The following BMP1 variants were observed in gnomAD, a reference collection of about 807,000 sequenced individuals.
BMP1 encodes the protein bone morphogenetic protein 1, also known as mammalian tolloid protein.
A neutral mutation model predicts 116.8 loss-of-function variants in BMP1; 63 were observed. The ratio of observed to expected loss-of-function variants is 0.54; its 90% CI spans 0.44 to 0.67. The LOEUF (loss-of-function observed/expected upper bound fraction) is 0.67. Ranked by LOEUF, BMP1 falls within the 30% of genes least tolerant of loss-of-function variation. The probability of loss-of-function intolerance (pLI) is 0.00; values close to 1 mark genes in which losing one functional copy is unlikely to be tolerated. For missense variants in BMP1, 1,183 were observed against 1,358.9 expected (o/e 0.87, Z 2.04); for synonymous variants, 536 against 533.4 (o/e 1.00, Z -0.07).
In BMP1 at chr8:22,211,647, G is replaced by A. The variant is rs776520649; in HGVS notation, c.2880G>A (p.Ser960=). Residue 960 remains serine, a synonymous_variant, in exon 20 of 20, where the codon TCG becomes TCA. Coordinates refer to ENST00000306385, the MANE Select transcript of BMP1 (RefSeq NM_006129.5). The stretch of plus-strand genomic sequence containing the variant: ...ATTCTGTCCTGGTGAAGTTCCACTC[G>A]GATGACACCATCACCAAAAAAGGTT... The part of the protein sequence containing the change: ...AGDSVLVKFH[S]DDTITKKGFH... 128 of 1,614,012 alleles carry A rather than the reference G, an allele frequency of 7.9e-5. No individual in the cohort carries two copies. In the Middle Eastern group the frequency reaches 8.2e-4, roughly 10 times the overall value.
intron 15 of BMP1, 145 bp from the exon 16 acceptor site, chr8:22,201,658 C>G: frequency 7.0e-7 from 1 of 1,421,704 alleles, no homozygotes; most frequent in Non-Finnish European, 9.3e-7. Context: ...TGGCCTCCCA[C>G]TCCCGGCCAC....
At chr8:22,198,548 G>A (rs1829158277) in intron 15 of BMP1, 1 of 153,716 alleles carries the variant, frequency 6.5e-6, no homozygotes, top group South Asian at 2.0e-4. Flanking sequence ...GAGCAGGGGA[G>A]ACAGGGAGGT....
chr8:22,206,985 A>T lies in BMP1; in HGVS notation c.2361+4A>T. 1 of 1,614,016 alleles carries T rather than the reference A, an allele frequency of 6.2e-7. No individual in the cohort carries two copies. ...CCCCGGGCACCGGGTCAAGCTGGTA[A>T]GGGGTCCCCTCCCCACTCCTTATGC... On this transcript the variant is annotated splice_donor_region_variant and intron_variant, in intron 17 of 19. Coordinates refer to ENST00000306385, the MANE Select transcript of BMP1 (RefSeq NM_006129.5).
At chr8:22,173,060 A>G (rs1828327016) in intron 1 of BMP1, among the ~76,000 whole-genome samples, 1 of 152,136 alleles carries the variant, frequency 6.6e-6, no homozygotes, top group Admixed American at 6.5e-5. Flanking sequence ...ATTTACTTGC[A>G]TATTATGGAA....
chr8:22,188,931 C>T (rs573375569), intron 8 of BMP1, among the ~76,000 whole-genome samples: 15 of 152,200 alleles, frequency 9.9e-5, no homozygotes, highest in Non-Finnish European at 2.2e-4. Flanking sequence ...AGGAAGGCCA[C>T]GTGGAGGAGT....
intron 8 of BMP1, among the ~76,000 whole-genome samples, chr8:22,190,374 G>C (rs1232911081): frequency 6.6e-6 from 1 of 152,194 alleles, no homozygotes; most frequent in Non-Finnish European, 1.5e-5. Flanking sequence ...AGCTAAGCTG[G>C]GTAAGGAGAG....
In BMP1 at chr8:22,194,916, A is replaced by G; in HGVS notation, c.1636A>G (p.Lys546Glu). The G allele has an allele frequency of 6.2e-7, 1 of 1,606,304 alleles. No homozygotes were observed. The highest frequency in any genetic ancestry group is 8.5e-7 in the Non-Finnish European group (1 of 1,176,876). The change falls in exon 12 of 20, where the codon AAA (lysine) becomes GAA (glutamate). Residue 546 changes from lysine (K) to glutamate (E), a missense_variant. Coordinates refer to ENST00000306385, the MANE Select transcript of BMP1 (RefSeq NM_006129.5). The surrounding 1 kb of genome is among the most constrained non-coding windows in gnomAD (Gnocchi z 4.5). ...NKAGFAVNFF[K>E]EVDECSRPNR... ...AGCGGGCTTTGCCGTCAACTTTTTC[A>G]AAGGTGCCTCCTCTGTTACTCTCCC...
rs1333657513 is a variant in BMP1, at chr8:22,204,004, T to C, written c.2233+2076T>C. On this transcript the variant is annotated intron_variant, in intron 16 of 19. Transcript: ENST00000306385. ...CTTAGAAGCATGTGTGGTTTCTTACTCAGGTGATAGGTTAATTACAGATCT... is the reference window on the plus strand; with the variant it reads ...CTTAGAAGCATGTGTGGTTTCTTACCCAGGTGATAGGTTAATTACAGATCT... Among the ~76,000 whole-genome samples, 4 of 152,206 alleles carry C rather than the reference T, an allele frequency of 2.6e-5. No homozygotes were observed. In the South Asian group the frequency reaches 8.3e-4, roughly 31 times the overall value.
In BMP1 at chr8:22,201,288, C is replaced by G. The variant is rs982235378; in HGVS notation, c.2108-515C>G. The G allele has an allele frequency of 2.0e-6, 3 of 1,529,466 alleles. No individual in the cohort carries two copies. In the African/African-American group the frequency reaches 4.2e-5, roughly 21 times the overall value. 94.7% of individuals were successfully genotyped at this position (1,529,466 alleles called of 1,614,324 possible). ...ATGGGGGCTTCGGTGCCCACCAACC[C>G]CCCACCTCCACTCTGCCATTCCGGC... is the stretch of plus-strand genomic sequence containing the variant. On this transcript the variant is annotated intron_variant, in intron 15 of 19. Transcript: ENST00000306385.
In BMP1 at chr8:22,180,404, TCTC is replaced by T; in HGVS notation, c.1003_1005del (p.Ser335del). ...ACCCTGCAAGACAGCACAGGCAACT[TCTC>T]CTCCCCTGAATACCCCAATGGCTAC... On this transcript the variant is annotated inframe_deletion, in exon 8 of 20. Coordinates refer to ENST00000306385, the MANE Select transcript of BMP1 (RefSeq NM_006129.5). 4 of 1,613,906 alleles carry T rather than the reference TCTC, an allele frequency of 2.5e-6. No individual in the cohort carries two copies. The highest frequency in any genetic ancestry group is 2.2e-5 in the South Asian group (2 of 91,076).
intron 8 of BMP1, among the ~76,000 whole-genome samples, chr8:22,188,707 G>T (rs1277451698): frequency 1.3e-5 from 2 of 152,184 alleles, no homozygotes; most frequent in East Asian, 3.8e-4. Flanking sequence ...GGCCAATGCA[G>T]GTTTCTTCCT....
chr8:22,201,414 A>G, intron 15 of BMP1: 9 of 1,427,112 alleles, frequency 6.3e-6, no homozygotes, highest in South Asian at 6.0e-5. Flanking sequence ...TCCCATTTTG[A>G]TGGTGTCTGT....
chr8:22,171,446 C>A (rs779001446), intron 1 of BMP1: 1 of 152,202 alleles, frequency 6.6e-6, no homozygotes, highest in Non-Finnish European at 1.5e-5. Context: ...AAAATTTCAA[C>A]ATTTACATAA....
chr8:22,202,424 G>T (rs1306303737), intron 16 of BMP1, among the ~76,000 whole-genome samples: 1 of 152,178 alleles, frequency 6.6e-6, no homozygotes, highest in Non-Finnish European at 1.5e-5. Context: ...AGCTTGAAGG[G>T]CCCCAAGCAG....
intron 15 of BMP1, among the ~76,000 whole-genome samples, chr8:22,200,172 G>C (rs1293821243): frequency 2.6e-5 from 4 of 152,232 alleles, no homozygotes; most frequent in African/African-American, 9.6e-5. Flanking sequence ...GAGTGTATGT[G>C]GCTGCGGCAC....
In BMP1 at chr8:22,179,907, CAAG is replaced by C; in HGVS notation, c.961+82_961+84del. The C allele has an allele frequency of 6.9e-7, 1 of 1,440,098 alleles. No homozygotes were observed. The highest frequency in any genetic ancestry group is 1.3e-5 in the South Asian group (1 of 76,916). The allele number at this position is 1,440,098 out of a possible 1,614,324, so 89.2% of individuals were successfully genotyped here. A position where few individuals can be genotyped will look rare whatever the true frequency, so the allele number is the denominator to read the frequency against. On this transcript the variant is annotated intron_variant, in intron 7 of 19. Coordinates refer to ENST00000306385, the MANE Select transcript of BMP1 (RefSeq NM_006129.5). This position sits in a 1 kb window ranked among gnomAD's most constrained non-coding sequence, Gnocchi z 4.6. ...GCAGAGGCCAGGTGCCTGGTGCCAC[CAAG>C]AAGGCTTAGGCTGCAAGTCTTAGAG...
chr8:22,205,449 T>G (rs1303692712), intron 16 of BMP1, among the ~76,000 whole-genome samples: 1 of 151,778 alleles, frequency 6.6e-6, no homozygotes, highest in East Asian at 1.9e-4. Flanking sequence ...TGGGAGAGAA[T>G]AGAAAGATCA....
intron 13 of BMP1, chr8:22,196,379 A>T: frequency 1.7e-6 from 1 of 589,462 alleles, no homozygotes; most frequent in South Asian, 1.7e-5. Flanking sequence ...GCTTTCCCTG[A>T]GCCCCTTATT....
intron 9 of BMP1, among the ~76,000 whole-genome samples, chr8:22,192,898 C>T (rs899821406): frequency 3.3e-5 from 5 of 152,234 alleles, no homozygotes; most frequent in South Asian, 2.1e-4. Flanking sequence ...CTCTTCTCCT[C>T]AGCCTATGCC....
Sources: allele counts gnomAD v4.1 joint callset (sites outside exome capture counted in the v4.1 genomes callset), GRCh38; gene constraint gnomAD v4.1.1; non-coding constraint Gnocchi (gnomAD v3.1); transcripts MANE v1.5; gene names NCBI Gene and HGNC (gene_info 2026-07-23, HGNC 2026-07-21).